The following PAPLN variants were observed in gnomAD, a reference collection of about 807,000 sequenced individuals.
PAPLN encodes the protein papilin, proteoglycan like sulfated glycoprotein.
In PAPLN, 146 loss-of-function variants were observed where a neutral mutation model predicts 159.0. That is an observed-to-expected ratio of 0.92 (90% CI 0.80 to 1.05). The LOEUF is 1.05. PAPLN is among the 50% of genes least tolerant of loss of function. PAPLN has a pLI of 0.00. For synonymous variants in PAPLN, 734 were observed against 702.9 expected, an observed-to-expected ratio of 1.04 and a Z score of -0.70; for missense variants, 1,720 against 1,743.9, an observed-to-expected ratio of 0.99 and a Z score of 0.24.
chr14:73,247,211 G>A (rs2140207130), intron 5 of PAPLN, among the ~76,000 whole-genome samples: 1 of 152,250 alleles, frequency 6.6e-6, no homozygotes, highest in African/African-American at 2.4e-5. Context: ...TCAAGGATCT[G>A]GGGGCCAGAG....
chr14:73,263,699 G>T lies in PAPLN; in HGVS notation c.2778G>T (p.Leu926Phe), dbSNP rs1280900085. Residue 926 changes from leucine to phenylalanine, a missense_variant, in exon 20 of 27, where the codon TTG (leucine) becomes TTT (phenylalanine). By Grantham distance (22) the Leu-to-Phe change is conservative. Coordinates refer to ENST00000644200, the MANE Select transcript of PAPLN (RefSeq NM_001365906.3). ...TGGTGCAGGCAGCCCTGGGGCAGTT[G>T]GTGCGGCTCTCCTGCTCAGACGACA... ...PSLVQAALGQ[L>F]VRLSCSDDTA... The T allele has an allele frequency of 6.2e-7, 1 of 1,613,162 alleles. No homozygotes were observed. The highest frequency in any genetic ancestry group is 8.5e-7 in the Non-Finnish European group (1 of 1,180,002).
At chr14:73,267,297 T>C (rs1887322821) in intron 25 of PAPLN, among the ~76,000 whole-genome samples, 1 of 152,188 alleles carries the variant, frequency 6.6e-6, no homozygotes, top group Admixed American at 6.5e-5. Context: ...TCTTTTACCC[T>C]AGATCAATTG....
intron 5 of PAPLN, chr14:73,249,674 CA>C (rs58852515): frequency 0.074 from 6,896 of 93,244 alleles, 415 homozygotes; most frequent in African/African-American, 0.24. Flanking sequence ...GACTCCACCT[CA>C]AAAAAAAAAA....
chr14:73,257,983 C>A (rs568005217), intron 14 of PAPLN, among the ~76,000 whole-genome samples: 1 of 151,958 alleles, frequency 6.6e-6, no homozygotes, highest in Non-Finnish European at 1.5e-5. Flanking sequence ...AGGCTGGTCT[C>A]GAAACTCCTG....
intron 5 of PAPLN, among the ~76,000 whole-genome samples, chr14:73,249,602 A>G (rs577749422): frequency 2.3e-4 from 32 of 139,518 alleles, no homozygotes; most frequent in Admixed American, 5.7e-4. Flanking sequence ...TAAACTAGGG[A>G]GGCGGAGGTT....
rs112664249 is a variant in PAPLN at position 73,262,780 on chromosome 14, T to C, written c.2676T>C (p.Gly892=). ...TTGGGTCCAGGGCCCCTGGACTGGG[T>C]GGAGATGCCGGATCACCAGCGCCAC... ...QELGSRAPGL[G]GDAGSPAPPF... Residue 892 remains glycine, a synonymous_variant, in exon 19 of 27, where the codon GGT becomes GGC. Coordinates refer to ENST00000644200, the MANE Select transcript of PAPLN (RefSeq NM_001365906.3). 1.3e-6 allele frequency: 2 copies of C among 1,502,838 alleles called. No individual in the cohort carries two copies. The highest frequency in any genetic ancestry group is 1.8e-6 in the Non-Finnish European group (2 of 1,131,060). The allele number at this position is 1,502,838 out of a possible 1,614,324, so 93.1% of individuals were successfully genotyped here.
chr14:73,263,923 C>T, intron 20 of PAPLN, 141 bp downstream of exon 20: 1 of 1,113,524 alleles, frequency 9.0e-7, no homozygotes, highest in Non-Finnish European at 1.3e-6. Flanking sequence ...TGTGACAGCC[C>T]CCCTACCCCC....
intron 26 of PAPLN, among the ~76,000 whole-genome samples, chr14:73,269,817 T>G (rs954874684): frequency 1.4e-4 from 22 of 152,018 alleles, no homozygotes; most frequent in African/African-American, 5.1e-4. Context: ...TTCCTGACAA[T>G]CAGGGCTGCA....
chr14:73,253,904 C>T lies in PAPLN; in HGVS notation c.1245C>T (p.Ala415=). ...ECAGLPGKPP[A]IQACNLQRCA... ...CCGGGCTGCCTGGGAAGCCCCCTGC[C>T]ATTCAGGCCTGTAACCTGCAGCGCT... Residue 415 remains alanine (A), a synonymous_variant, in exon 12 of 27, where the codon GCC becomes GCT. Transcript: ENST00000644200. The T allele has an allele frequency of 6.2e-7, 1 of 1,613,374 alleles. No homozygotes were observed. Among genetic ancestry groups the T allele is most frequent in the Non-Finnish European group, 8.5e-7 (1 of 1,179,926 alleles).
At chr14:73,269,480 C>T (rs898074307) in intron 26 of PAPLN, among the ~76,000 whole-genome samples, 5 of 152,134 alleles carry the variant, frequency 3.3e-5, no homozygotes, top group Admixed American at 3.3e-4. Context: ...GCCAGTGAAA[C>T]GACACAATTC....
chr14:73,253,286 TG>T, intron 11 of PAPLN: 1 of 1,327,644 alleles, frequency 7.5e-7, no homozygotes. Context: ...CGCTTGGCCT[TG>T]GTGGCAGCGG....
intron 5 of PAPLN, among the ~76,000 whole-genome samples, chr14:73,248,073 C>CTTTGTG (rs1491238488): frequency 3.9e-5 from 2 of 50,986 alleles, no homozygotes. Flanking sequence ...GTCTCATATC[C>CTTTGTG]TCTGTGTGTG....
intron 2 of PAPLN, among the ~76,000 whole-genome samples, chr14:73,240,234 A>T (rs1357019988): frequency 6.6e-6 from 1 of 151,892 alleles, no homozygotes; most frequent in African/African-American, 2.4e-5. Flanking sequence ...GTTTTGGCCT[A>T]GAGGTTTGGG....
intron 17 of PAPLN, 31 bp downstream of exon 17, chr14:73,260,860 G>A (rs760779315): frequency 8.0e-6 from 12 of 1,495,130 alleles, no homozygotes; most frequent in Non-Finnish European, 1.8e-6. Context: ...AGGGGAGCAG[G>A]GGGCCAGCCC....
intron 20 of PAPLN, 150 bp from the exon 21 acceptor site, chr14:73,264,061 C>T (rs748667632): frequency 2.1e-5 from 32 of 1,547,258 alleles, no homozygotes; most frequent in Non-Finnish European, 2.6e-5. Context: ...GTGACAGCCT[C>T]CCCTGAAGCA....
At position 73,261,042 on chromosome 14, in the gene PAPLN, C is replaced by T. The variant is rs1357334582; in HGVS notation, c.2107-114C>T. 3.9e-6 allele frequency: 6 copies of T among 1,557,860 alleles called. No homozygotes were observed. The East Asian group carries it at 1.4e-4, about 35-fold the overall frequency. Reference sequence around the variant, plus strand: ...CCAACATTCTCCTGGCCTCTGGTCTCCCCTGGGCTGGGGTTCTGGCCCCTC... The same window carrying T: ...CCAACATTCTCCTGGCCTCTGGTCTTCCCTGGGCTGGGGTTCTGGCCCCTC... On this transcript the variant is annotated intron_variant, in intron 17 of 26. Transcript: ENST00000644200.
At chr14:73,253,394 C>T (rs550042212) in intron 11 of PAPLN, among the ~76,000 whole-genome samples, 9 of 152,332 alleles carry the variant, frequency 5.9e-5, no homozygotes, top group South Asian at 2.1e-4. Context: ...AGCCGCTCCA[C>T]GCATGGGTGA....
chr14:73,262,119 G>A (rs1886650089), intron 18 of PAPLN: 1 of 496,288 alleles, frequency 2.0e-6, no homozygotes, highest in South Asian at 3.8e-5. Context: ...AGAGGCTCTA[G>A]CTCTGTGGGT....
rs920198284 is a variant in PAPLN, at chr14:73,265,063, G to A, written c.3126-307G>A. ...AGAGGGGGTGTGGAGGACCGGAGGG[G>A]GTGCCCAACTCAAAGACCTAGTGGC... On this transcript the variant is annotated intron_variant, in intron 22 of 26. Coordinates refer to ENST00000644200, the MANE Select transcript of PAPLN (RefSeq NM_001365906.3). The surrounding 1 kb of genome is among the most constrained non-coding windows in gnomAD (Gnocchi z 4.1). Among the ~76,000 whole-genome samples the A allele has an allele frequency of 2.1e-4, 32 of 152,298 alleles. No homozygotes were observed. The highest frequency in any genetic ancestry group is 7.2e-4 in the African/African-American group (30 of 41,566).
Sources: allele counts gnomAD v4.1 joint callset (sites outside exome capture counted in the v4.1 genomes callset), GRCh38; gene constraint gnomAD v4.1.1; non-coding constraint Gnocchi (gnomAD v3.1); transcripts MANE v1.5; gene names NCBI Gene and HGNC (gene_info 2026-07-23, HGNC 2026-07-21).